SP1: variants seen among roughly 807,000 people sequenced by gnomAD.
The protein encoded by SP1 is Sp1 transcription factor, also known as transcription factor Sp1.
A neutral mutation model predicts 66.3 loss-of-function variants in SP1; 6 were observed. The observed-to-expected ratio is 0.09, with a 90% confidence interval of 0.05 to 0.18. The LOEUF (loss-of-function observed/expected upper bound fraction) is 0.18, where lower values mean the gene tolerates loss of function less well. SP1 is among the 10% of genes least tolerant of loss of function. SP1 has a pLI of 1.00. For synonymous variants in SP1, 417 were observed against 360.8 expected (o/e 1.16, Z -1.77); for missense variants, 848 against 964.5 (o/e 0.88, Z 1.60).
Position 53,382,479 on chromosome 12 carries a change from C to G in SP1, c.532C>G (p.Gln178Glu). ...MPNIQYQVIPQFQTVDGQQLQ... is the reference protein window; with the variant it reads ...MPNIQYQVIPEFQTVDGQQLQ... ...TAATATTCAGTATCAAGTAATCCCA[C>G]AGTTCCAGACCGTTGATGGGCAACA... Residue 178 changes from glutamine (Q) to glutamate (E), a missense_variant, in exon 3 of 6, where the codon CAG becomes GAG. Gln to Glu is a conservative substitution (Grantham distance 29). Transcript: ENST00000327443. 6.2e-7 allele frequency: 1 copy of G among 1,614,218 alleles called. No individual in the cohort carries two copies. The highest frequency in any genetic ancestry group is 8.5e-7 in the Non-Finnish European group (1 of 1,180,040).
At chr12:53,402,116 T>C (rs1234995887) in intron 3 of SP1, among the ~76,000 whole-genome samples, 1 of 152,182 alleles carries the variant, frequency 6.6e-6, no homozygotes, top group Non-Finnish European at 1.5e-5. Context: ...CCAAAACCTG[T>C]TCTTAACCCT....
Position 53,403,799 on chromosome 12 carries a change from G to T in SP1, c.1676-2786G>T, listed in dbSNP as rs1056487726. On this transcript the variant is annotated intron_variant, in intron 3 of 5. Coordinates refer to ENST00000327443, the MANE Select transcript of SP1 (RefSeq NM_138473.3). ...GTCTATAATCACAACAGAACATTTT[G>T]GGGGGCTGAGGCGGGAGGATCACTT... 1.8e-4 allele frequency among the ~76,000 whole-genome samples: 28 copies of T among 152,240 alleles called. 1 individual carries two copies. Among genetic ancestry groups the T allele is most frequent in the Admixed American group, 1.4e-3 (21 of 15,256 alleles).
At chr12:53,394,162 C>T (rs1204775484) in intron 3 of SP1, among the ~76,000 whole-genome samples, 1 of 151,750 alleles carries the variant, frequency 6.6e-6, no homozygotes, top group Non-Finnish European at 1.5e-5. Context: ...TTGCAGTGAG[C>T]CAAGATTGAA....
At chr12:53,408,702 C>G (rs1024050961) in intron 4 of SP1, among the ~76,000 whole-genome samples, 16 of 147,478 alleles carry the variant, frequency 1.1e-4, no homozygotes, top group Non-Finnish European at 2.4e-4. Flanking sequence ...GTCAGGAGAT[C>G]GAGACCATCC....
At chr12:53,381,613 C>A (rs760223754) in intron 1 of SP1, 46 bp from the exon 2 acceptor site, 26 of 1,537,622 alleles carry the variant, frequency 1.7e-5, no homozygotes, top group East Asian at 1.4e-4. Flanking sequence ...TACTTCATTT[C>A]TTTTCTTCCC....
At chr12:53,394,583 C>CTT (rs68013460) in intron 3 of SP1, among the ~76,000 whole-genome samples, 11,751 of 57,894 alleles carry the variant, frequency 0.2, 836 homozygotes, top group Non-Finnish European at 0.33. Flanking sequence ...TTCTTTTCTT[C>CTT]TTTTTTTTTT....
intron 5 of SP1, among the ~76,000 whole-genome samples, 154 bp downstream of exon 5, chr12:53,409,715 A>G (rs1251459590): frequency 2.0e-5 from 3 of 152,256 alleles, no homozygotes; most frequent in Admixed American, 1.3e-4. Flanking sequence ...AAAATTTTTA[A>G]GAAGGAAGGA....
In SP1 at chr12:53,382,952, C is replaced by T; in HGVS notation, c.1005C>T (p.Asn335=). 1 of 1,614,142 alleles carries T rather than the reference C, an allele frequency of 6.2e-7. No homozygotes were observed. Among genetic ancestry groups the T allele is most frequent in the South Asian group, 1.1e-5 (1 of 91,086 alleles). The change falls in exon 3 of 6, where the codon AAC becomes AAT. Residue 335 remains asparagine, a synonymous_variant. Coordinates refer to ENST00000327443, the MANE Select transcript of SP1 (RefSeq NM_138473.3). ...ACTCAACTACTACTACCACCAGCAA[C>T]ATGGGAATTATGAACTTTACTACCA... ...NSYSTTTTTS[N]MGIMNFTTSG... is the part of the protein sequence containing the mutation.
At position 53,382,381 on chromosome 12, in the gene SP1, G is replaced by T. The variant is rs765839035; in HGVS notation, c.434G>T (p.Gly145Val). The T allele has an allele frequency of 6.2e-7, 1 of 1,614,178 alleles. No individual in the cohort carries two copies. The highest frequency in any genetic ancestry group is 1.7e-5 in the Admixed American group (1 of 60,022). ...ESSKNRTVSG[G>V]QYVVAAAPNL... ...TCCAAGAATCGCACAGTCTCTGGTG[G>T]GCAGTATGTTGTGGCTGCCGCTCCC... Residue 145 changes from glycine (G) to valine (V), a missense_variant, in exon 3 of 6, where the codon GGG becomes GTG. Gly to Val is a moderately radical substitution (Grantham distance 109, BLOSUM62 -3). Coordinates refer to ENST00000327443, the MANE Select transcript of SP1 (RefSeq NM_138473.3).
chr12:53,405,986 T>A (rs1364811197), intron 3 of SP1, among the ~76,000 whole-genome samples: 2 of 108,810 alleles, frequency 1.8e-5, no homozygotes, highest in Non-Finnish European at 3.5e-5. Flanking sequence ...CCGTAAAACT[T>A]AAAGTATAAT....
chr12:53,406,619 T>A lies in SP1; in HGVS notation c.1710T>A (p.Ala570=). The change falls in exon 4 of 6, where the codon GCT becomes GCA. Residue 570 remains alanine, a synonymous_variant. Transcript: ENST00000327443. ...GAGCTCAGCTTGGTCTCCATGGGGCTGGTGGTGATGGAATACATGATGACA... is the reference window on the plus strand; with the variant it reads ...GAGCTCAGCTTGGTCTCCATGGGGCAGGTGGTGATGGAATACATGATGACA... ...DHGAQLGLHG[A]GGDGIHDDTA... 1 of 1,613,962 alleles carries A rather than the reference T, an allele frequency of 6.2e-7. No homozygotes were observed. The highest frequency in any genetic ancestry group is 8.5e-7 in the Non-Finnish European group (1 of 1,179,970).
In SP1 at chr12:53,383,451, C is replaced by G. The variant is rs1938155739; in HGVS notation, c.1504C>G (p.Leu502Val). The G allele has an allele frequency of 1.2e-6, 2 of 1,614,242 alleles. No individual in the cohort carries two copies. The highest frequency in any genetic ancestry group is 1.7e-6 in the Non-Finnish European group (2 of 1,180,036). Residue 502 changes from leucine (L) to valine (V), a missense_variant, in exon 3 of 6, where the codon CTC (leucine) becomes GTC (valine). Leu to Val is a conservative substitution (Grantham distance 32, BLOSUM62 1). Transcript: ENST00000327443. ...LGQTSSSNTTLTPIASAASIP... is the reference protein window; with the variant it reads ...LGQTSSSNTTVTPIASAASIP... ...GCAGACCAGCAGCAGCAACACCACT[C>G]TCACACCCATTGCCTCAGCTGCTTC...
chr12:53,406,804 T>C, intron 4 of SP1, 51 bp downstream of exon 4: 1 of 1,502,442 alleles, frequency 6.7e-7, no homozygotes, highest in Middle Eastern at 2.3e-4. Context: ...ATTAATAGAT[T>C]TGGAGATAAG....
chr12:53,395,680 C>T (rs1388584463), intron 3 of SP1, among the ~76,000 whole-genome samples: 1 of 151,850 alleles, frequency 6.6e-6, no homozygotes, highest in Non-Finnish European at 1.5e-5. Flanking sequence ...GATAAGGTTG[C>T]TGCTAGGCCG....
At chr12:53,401,318 G>T (rs1420168583) in intron 3 of SP1, among the ~76,000 whole-genome samples, 1 of 151,666 alleles carries the variant, frequency 6.6e-6, no homozygotes, top group African/African-American at 2.4e-5. Flanking sequence ...GGGCATGGTG[G>T]TGGGCGCCTG....
chr12:53,384,924 G>T (rs946015204), intron 3 of SP1, among the ~76,000 whole-genome samples: 4 of 151,836 alleles, frequency 2.6e-5, no homozygotes, highest in African/African-American at 7.3e-5. Context: ...GGCAGAGGTT[G>T]CAGTGAGCCA....
intron 3 of SP1, among the ~76,000 whole-genome samples, chr12:53,396,516 C>T (rs563405601): frequency 4.4e-4 from 67 of 151,052 alleles, no homozygotes; most frequent in Middle Eastern, 3.5e-3. Context: ...GGCGGTTAGC[C>T]GAGATCATGC....
At chr12:53,386,753 T>G (rs1033902908) in intron 3 of SP1, among the ~76,000 whole-genome samples, 5 of 152,044 alleles carry the variant, frequency 3.3e-5, no homozygotes, top group Non-Finnish European at 7.4e-5. Flanking sequence ...CCTCCCAAAC[T>G]GCTGGGATTA....
At position 53,407,766 on chromosome 12, in the gene SP1, AG is replaced by A. The variant is rs1938777770; in HGVS notation, c.1844+1014del. Reference sequence around the variant, plus strand: ...ATTCTCCTGCCTCAGCCTCCCTAGTAGCTGGGACTACAGGTGCCCGCCACCT... The same window carrying A: ...ATTCTCCTGCCTCAGCCTCCCTAGTACTGGGACTACAGGTGCCCGCCACCT... On this transcript the variant is annotated intron_variant, in intron 4 of 5. Coordinates refer to ENST00000327443, the MANE Select transcript of SP1 (RefSeq NM_138473.3). Among the ~76,000 whole-genome samples, 5 of 151,588 alleles carry A rather than the reference AG, an allele frequency of 3.3e-5. No individual in the cohort carries two copies. The South Asian group carries it at 1.0e-3, about 32-fold the overall frequency.
Sources: gnomAD v4.1 joint callset for allele counts (sites outside exome capture counted in the v4.1 genomes callset) on GRCh38, gnomAD v4.1.1 for gene constraint, MANE v1.5 for transcripts, NCBI Gene and HGNC (gene_info 2026-07-23, HGNC 2026-07-21) for gene names.